The following PCBP2 variants were observed in gnomAD, a reference collection of about 807,000 sequenced individuals.
PCBP2 encodes poly(rC)-binding protein 2.
Under a neutral mutation model 50.1 loss-of-function variants are expected in PCBP2, and 4 were observed. The ratio of observed to expected loss-of-function variants is 0.08; its 90% confidence interval spans 0.04 to 0.18. PCBP2 has a LOEUF of 0.18. Among genes scored for constraint, PCBP2 ranks in the 10% least tolerant of loss-of-function variants. The pLI is 1.00. For missense variants in PCBP2, 161 were observed against 474.3 expected (o/e 0.34, Z 6.14); for synonymous variants, 179 against 168.0 (o/e 1.07, Z -0.51).
chr12:53,454,631 G>T, intron 1 of PCBP2, 95 bp from the exon 2 acceptor site: 1 of 626,364 alleles, frequency 1.6e-6, no homozygotes, highest in Admixed American at 2.6e-5. Flanking sequence ...TTAAGGAAAA[G>T]TGTAAAGTAG....
intron 9 of PCBP2, among the ~76,000 whole-genome samples, chr12:53,465,233 C>T (rs1941737144): frequency 6.6e-6 from 1 of 151,910 alleles, no homozygotes; most frequent in Non-Finnish European, 1.5e-5. Context: ...TTCCCTTTTC[C>T]TTTCCTCCTT....
At chr12:53,477,908 A>T (rs1451412475) in intron 14 of PCBP2, among the ~76,000 whole-genome samples, 1 of 152,192 alleles carries the variant, frequency 6.6e-6, no homozygotes, top group East Asian at 1.9e-4. Flanking sequence ...TTAAAATCTT[A>T]TGAAATAACT....
chr12:53,466,787 C>T (rs1419037708), intron 10 of PCBP2, among the ~76,000 whole-genome samples: 3 of 152,130 alleles, frequency 2.0e-5, no homozygotes, highest in Non-Finnish European at 4.4e-5. Flanking sequence ...TGCAGTCTCC[C>T]TGCCCCCCTC....
At position 53,468,189 on chromosome 12, in the gene PCBP2, C is replaced by T. The variant is rs138533570; in HGVS notation, c.826+346C>T. 1.2e-3 allele frequency: 287 copies of T among 236,688 alleles called. 1 individual carries two copies. Among genetic ancestry groups the T allele is most frequent in the African/African-American group, 6.0e-3 (264 of 44,262 alleles). 14.7% of individuals were successfully genotyped at this position (236,688 alleles called of 1,614,324 possible). A position where few individuals can be genotyped will look rare whatever the true frequency, so the allele number is the denominator to read the frequency against. On this transcript the variant is annotated intron_variant, in intron 12 of 14. Coordinates refer to ENST00000546463, the MANE Select transcript of PCBP2 (RefSeq NM_031989.5). The stretch of plus-strand genomic sequence containing the variant: ...TTGGAAAACAAAATGAAAGCCAGAA[C>T]AAAATTATTGAACAAAAGACAGGGA...
chr12:53,471,276 G>GTTTT (rs869289440), intron 13 of PCBP2, among the ~76,000 whole-genome samples: 1 of 139,590 alleles, frequency 7.2e-6, no homozygotes, highest in African/African-American at 2.6e-5. Flanking sequence ...GAGACCCTCG[G>GTTTT]TTTTTTTTTT....
intron 13 of PCBP2, among the ~76,000 whole-genome samples, chr12:53,470,378 C>CAAAAAAAAAAAA (rs754350790): frequency 4.2e-5 from 2 of 47,366 alleles, no homozygotes; most frequent in African/African-American, 2.0e-4. Context: ...CTCCGTCTCT[C>CAAAAAAAAAAAA]AAAAAAAAAA....
chr12:53,455,547 A>G, intron 4 of PCBP2, 54 bp downstream of exon 4: 1 of 1,568,532 alleles, frequency 6.4e-7, no homozygotes, highest in Non-Finnish European at 8.8e-7. Context: ...AACCTTTAAA[A>G]CAAGTGAAAA....
chr12:53,455,500 T>C lies in PCBP2; in HGVS notation c.126+7T>C, dbSNP rs915917900. On this transcript the variant is annotated splice_region_variant and intron_variant, in intron 4 of 14. Coordinates refer to ENST00000546463, the MANE Select transcript of PCBP2 (RefSeq NM_031989.5). ...TAAGAAGATGCGCGAGGAGGTAAGT[T>C]ATGAAAGACTGAGATTGTTAACTTT... 31 of 1,613,730 alleles carry C rather than the reference T, an allele frequency of 1.9e-5. No individual in the cohort carries two copies. The highest frequency in any genetic ancestry group is 2.6e-5 in the Non-Finnish European group (31 of 1,179,654).
At chr12:53,466,325 T>G (rs901032421) in intron 10 of PCBP2, among the ~76,000 whole-genome samples, 2 of 152,248 alleles carry the variant, frequency 1.3e-5, no homozygotes, top group African/African-American at 4.8e-5. Flanking sequence ...CATGCAGTTC[T>G]CTTTTCCATG....
intron 13 of PCBP2, 108 bp downstream of exon 13, chr12:53,468,940 C>T (rs1368402622): frequency 4.5e-6 from 3 of 671,738 alleles, no homozygotes; most frequent in South Asian, 1.8e-5. Flanking sequence ...TTTTTTTAAA[C>T]AGCCCAGGCT....
Position 53,468,682 on chromosome 12 carries a change from G to A in PCBP2, c.827-95G>A, listed in dbSNP as rs886769400. On this transcript the variant is annotated intron_variant, in intron 12 of 14. Coordinates refer to ENST00000546463, the MANE Select transcript of PCBP2 (RefSeq NM_031989.5). ...GAATCCCAACAGCTAATGATGCTGG[G>A]TTTCCAGTTTATTTCCTTCTGTTAG... 325 of 942,560 alleles carry A rather than the reference G, an allele frequency of 3.4e-4. 1 individual carries two copies. The highest frequency in any genetic ancestry group is 2.6e-3 in the East Asian group (107 of 41,418). 58.4% of individuals were successfully genotyped at this position (942,560 alleles called of 1,614,324 possible).
intron 11 of PCBP2, 179 bp downstream of exon 11, chr12:53,467,472 AT>A: frequency 1.5e-6 from 1 of 675,624 alleles, no homozygotes; most frequent in Non-Finnish European, 2.7e-6. Flanking sequence ...CGTGGTTTTC[AT>A]TTGGGGTCAG....
At chr12:53,467,780 C>T in intron 11 of PCBP2, 25 bp from the exon 12 acceptor site, 1 of 1,602,656 alleles carries the variant, frequency 6.2e-7, no homozygotes, top group Admixed American at 1.7e-5. Flanking sequence ...GACCACCAAA[C>T]TCATTTTCAC....
intron 8 of PCBP2, among the ~76,000 whole-genome samples, chr12:53,463,459 T>C (rs930475366): frequency 6.6e-6 from 1 of 152,194 alleles, no homozygotes; most frequent in African/African-American, 2.4e-5. Context: ...GTACTGAACA[T>C]GTACAGGCTT....
intron 12 of PCBP2, 40 bp from the exon 13 acceptor site, chr12:53,468,737 T>A: frequency 6.7e-7 from 1 of 1,489,028 alleles, no homozygotes; most frequent in Non-Finnish European, 9.4e-7. Flanking sequence ...AGGTTTTGAA[T>A]GCTGTGCATT....
At position 53,468,917 on chromosome 12, in the gene PCBP2, C is replaced by CTTTTTTTTTTTTT. The variant is rs5798266; in HGVS notation, c.882+92_882+104dup. 133 of 574,536 alleles carry CTTTTTTTTTTTTT rather than the reference C, an allele frequency of 2.3e-4. No homozygotes were observed. The African/African-American group carries it at 2.6e-3, about 11-fold the overall frequency. 35.6% of individuals were successfully genotyped at this position (574,536 alleles called of 1,614,324 possible). A position where few individuals can be genotyped will look rare whatever the true frequency, so the allele number is the denominator to read the frequency against. ...GTCGTTTCAGCAGTGTCCTGCTACC[C>CTTTTTTTTTTTTT]TTTTTTTTTTTTTTTTTTTAAACAG... On this transcript the variant is annotated intron_variant, in intron 13 of 14. Coordinates refer to ENST00000546463, the MANE Select transcript of PCBP2 (RefSeq NM_031989.5).
intron 13 of PCBP2, among the ~76,000 whole-genome samples, chr12:53,470,772 T>TC (rs1942173208): frequency 1.3e-5 from 2 of 151,484 alleles, no homozygotes; most frequent in South Asian, 2.1e-4. Flanking sequence ...TTTTTTTTTT[T>TC]TCCACCTTTT....
At chr12:53,457,342 A>G (rs934614080) in intron 5 of PCBP2, among the ~76,000 whole-genome samples, 1 of 152,148 alleles carries the variant, frequency 6.6e-6, no homozygotes, top group Non-Finnish European at 1.5e-5. Flanking sequence ...GTGAGCCACC[A>G]TGCCCAGCCT....
At chr12:53,457,123 GCT>G (rs1327089101) in intron 5 of PCBP2, among the ~76,000 whole-genome samples, 6 of 151,992 alleles carry the variant, frequency 3.9e-5, no homozygotes, top group Non-Finnish European at 8.8e-5. Context: ...TATACCTGTA[GCT>G]CTCTGCATCC....
Sources: allele counts gnomAD v4.1 joint callset (sites outside exome capture counted in the v4.1 genomes callset), GRCh38; gene constraint gnomAD v4.1.1; transcripts MANE v1.5; gene names NCBI Gene and HGNC (gene_info 2026-07-23, HGNC 2026-07-21).